The following GRID1 variants were observed in gnomAD, a reference collection of about 807,000 sequenced individuals.
GRID1 encodes the protein glutamate ionotropic receptor delta type subunit 1.
GRID1 carries 28 observed loss-of-function variants against 98.0 expected under a neutral mutation model. The observed-to-expected ratio is 0.29, with a 90% confidence interval of 0.21 to 0.39. The LOEUF (loss-of-function observed/expected upper bound fraction) is 0.39. GRID1 is among the 10% of genes least tolerant of loss of function. The pLI, the probability that GRID1 is intolerant of heterozygous loss-of-function variation, is 1.00. For synonymous variants in GRID1, 553 were observed against 538.5 expected, an observed-to-expected ratio of 1.03 and a Z score of -0.37; for missense variants, 1,111 against 1,340.5, an observed-to-expected ratio of 0.83 and a Z score of 2.67.
chr10:85,913,650 G>T (rs752731513), intron 5 of GRID1, among the ~76,000 whole-genome samples: 1 of 152,134 alleles, frequency 6.6e-6, no homozygotes, highest in Non-Finnish European at 1.5e-5. Context: ...TTAGCTGGGT[G>T]AGCTGGCACA....
intron 4 of GRID1, among the ~76,000 whole-genome samples, chr10:85,997,371 C>T (rs763667043): frequency 5.3e-5 from 8 of 151,624 alleles, no homozygotes; most frequent in Non-Finnish European, 8.8e-5. Flanking sequence ...TGTACTACAG[C>T]CTGGGCAACA....
At chr10:85,795,091 T>C (rs934270174) in intron 8 of GRID1, among the ~76,000 whole-genome samples, 4 of 152,218 alleles carry the variant, frequency 2.6e-5, no homozygotes, top group Middle Eastern at 3.2e-3. Flanking sequence ...CCCTTGAATA[T>C]AGGTAGATGG....
At chr10:86,311,625 T>C (rs1283772314) in intron 2 of GRID1, among the ~76,000 whole-genome samples, 1 of 152,220 alleles carries the variant, frequency 6.6e-6, no homozygotes, top group Non-Finnish European at 1.5e-5. Context: ...CACTGCTGCC[T>C]TTCTTTTTCT....
rs376572774 is a variant in GRID1 at position 86,243,578 on chromosome 10, AAC to A, written c.236-36932_236-36931del. On this transcript the variant is annotated intron_variant, in intron 2 of 15. Transcript: ENST00000327946. ...ACAAAAAACAATAATGAAAACAGCTAACACAGAGGGAGCAGTTCCTCTATGCC... is the reference window on the plus strand; with the variant it reads ...ACAAAAAACAATAATGAAAACAGCTAACAGAGGGAGCAGTTCCTCTATGCC... Among the ~76,000 whole-genome samples the A allele has an allele frequency of 4.9e-3, 749 of 152,306 alleles. 5 individuals carry two copies. Among genetic ancestry groups the A allele is most frequent in the African/African-American group, 0.017 (726 of 41,564 alleles).
intron 5 of GRID1, among the ~76,000 whole-genome samples, chr10:85,879,177 C>T (rs1840960657): frequency 6.6e-6 from 1 of 152,206 alleles, no homozygotes; most frequent in East Asian, 1.9e-4. Context: ...TAATGGGAGA[C>T]TTTAACACCC....
chr10:86,034,865 G>T (rs898434376), intron 4 of GRID1, among the ~76,000 whole-genome samples: 1 of 151,800 alleles, frequency 6.6e-6, no homozygotes, highest in Non-Finnish European at 1.5e-5. Context: ...TCAATGGGTT[G>T]GTGGATGGAT....
chr10:86,028,133 A>C (rs1203950538), intron 4 of GRID1, among the ~76,000 whole-genome samples: 5 of 152,204 alleles, frequency 3.3e-5, no homozygotes, highest in African/African-American at 1.2e-4. Context: ...GTGTGGCTCT[A>C]AAGCTGCCTC....
At chr10:86,025,235 A>G (rs928322376) in intron 4 of GRID1, among the ~76,000 whole-genome samples, 3 of 152,214 alleles carry the variant, frequency 2.0e-5, no homozygotes, top group African/African-American at 2.4e-5. Flanking sequence ...CACGAATAGT[A>G]ACAGTACCAA....
At position 86,238,822 on chromosome 10, in the gene GRID1, T is replaced by C. The variant is rs115452545; in HGVS notation, c.236-32174A>G. On this transcript the variant is annotated intron_variant, in intron 2 of 15. Coordinates refer to ENST00000327946, the MANE Select transcript of GRID1 (RefSeq NM_017551.3). ...AGGCTTGGGAGCCTCCACCTAGATTTCAAAGGATGTATGAAAATGCCTGGA... is the reference window on the plus strand; with the variant it reads ...AGGCTTGGGAGCCTCCACCTAGATTCCAAAGGATGTATGAAAATGCCTGGA... 3.8e-3 allele frequency among the ~76,000 whole-genome samples: 576 copies of C among 152,232 alleles called. 2 individuals are homozygous for C. The highest frequency in any genetic ancestry group is 0.013 in the African/African-American group (556 of 41,528).
chr10:86,110,063 C>T (rs1844455678), intron 4 of GRID1, among the ~76,000 whole-genome samples: 1 of 151,234 alleles, frequency 6.6e-6, no homozygotes, highest in African/African-American at 2.4e-5. Flanking sequence ...ACCTCTGCCT[C>T]TCGGGTTCAA....
intron 8 of GRID1, among the ~76,000 whole-genome samples, chr10:85,837,638 GA>G (rs34037712): frequency 0.28 from 39,825 of 141,858 alleles, 5,372 homozygotes; most frequent in African/African-American, 0.32. Flanking sequence ...GACAAAAGGA[GA>G]AAAAAAAAAA....
chr10:85,680,664 T>A (rs544301939), intron 12 of GRID1, among the ~76,000 whole-genome samples: 7 of 152,294 alleles, frequency 4.6e-5, no homozygotes, highest in African/African-American at 1.7e-4. Context: ...CAAAAAGATA[T>A]GTGCACTCAT....
intron 5 of GRID1, among the ~76,000 whole-genome samples, chr10:85,876,310 G>C (rs1170260465): frequency 6.6e-6 from 1 of 151,884 alleles, no homozygotes; most frequent in East Asian, 1.9e-4. Context: ...TCCAGCTTCT[G>C]GTGGCCGTCA....
At chr10:85,739,491 G>A (rs1252227529) in intron 8 of GRID1, among the ~76,000 whole-genome samples, 1 of 151,956 alleles carries the variant, frequency 6.6e-6, no homozygotes, top group African/African-American at 2.4e-5. Context: ...AAGTTGAGGT[G>A]GGAGGATCAC....
At chr10:86,070,320 G>C (rs1441551991) in intron 4 of GRID1, among the ~76,000 whole-genome samples, 1 of 152,274 alleles carries the variant, frequency 6.6e-6, no homozygotes, top group East Asian at 1.9e-4. Flanking sequence ...ACCCCTGATG[G>C]GAGCAGGGTC....
chr10:86,046,002 A>T (rs1216304066), intron 4 of GRID1, among the ~76,000 whole-genome samples: 3 of 152,050 alleles, frequency 2.0e-5, no homozygotes, highest in South Asian at 2.1e-4. Context: ...GTGGGACTCA[A>T]CTCTGGAGTC....
At chr10:85,760,982 G>A (rs1471691509) in intron 8 of GRID1, among the ~76,000 whole-genome samples, 1 of 152,174 alleles carries the variant, frequency 6.6e-6, no homozygotes, top group Non-Finnish European at 1.5e-5. Flanking sequence ...ACCATGCACT[G>A]AGAACCCAAT....
chr10:85,709,602 T>C lies in GRID1; in HGVS notation c.1997+13401A>G, dbSNP rs539320449. 3.3e-5 allele frequency among the ~76,000 whole-genome samples: 5 copies of C among 152,316 alleles called. 1 individual carries two copies. The South Asian group carries it at 8.3e-4, about 25-fold the overall frequency. On this transcript the variant is annotated intron_variant, in intron 12 of 15. Transcript: ENST00000327946. ...TGTGAATAGCTTGATGAAGGACAAG[T>C]GCCCTCCACTCACCTACGCTGTCTC...
At chr10:85,827,564 G>A (rs1203514866) in intron 8 of GRID1, among the ~76,000 whole-genome samples, 1 of 151,970 alleles carries the variant, frequency 6.6e-6, no homozygotes, top group Non-Finnish European at 1.5e-5. Flanking sequence ...GAGAAAGCAA[G>A]CAACTTGGAA....
Sources: gnomAD v4.1 joint callset for allele counts (sites outside exome capture counted in the v4.1 genomes callset) on GRCh38, gnomAD v4.1.1 for gene constraint, MANE v1.5 for transcripts, NCBI Gene and HGNC (gene_info 2026-07-23, HGNC 2026-07-21) for gene names.